CNOT7: variants seen among roughly 807,000 people sequenced by gnomAD.
The protein encoded by CNOT7 is CCR4-NOT transcription complex subunit 7.
Under a neutral mutation model 37.1 loss-of-function variants are expected in CNOT7, and 4 were observed. The ratio of observed to expected loss-of-function variants is 0.11; its 90% CI spans 0.05 to 0.25. The LOEUF (loss-of-function observed/expected upper bound fraction) is 0.25. Ranked by LOEUF, CNOT7 falls within the 10% of genes least tolerant of loss-of-function variation. CNOT7 has a pLI of 1.00. For missense variants in CNOT7, 170 were observed against 336.2 expected (o/e 0.51, Z 3.87); for synonymous variants, 128 against 115.6 (o/e 1.11, Z -0.69).
rs537563485 is a variant in CNOT7 at position 17,229,181 on chromosome 8, T to C, written c.*1539A>G. On this transcript the variant is annotated 3_prime_UTR_variant, in exon 7 of 7. Coordinates refer to ENST00000361272, the MANE Select transcript of CNOT7 (RefSeq NM_013354.7). The stretch of plus-strand genomic sequence containing the variant: ...GAGTTGCCCAAATAAAAATGAACAA[T>C]ATCCCCCAAATAAGTATTTCCAAAA... The C allele has an allele frequency of 6.6e-6, 1 of 152,016 alleles. No individual in the cohort carries two copies. Among genetic ancestry groups the C allele is most frequent in the South Asian group, 2.1e-4 (1 of 4,828 alleles). 9.4% of individuals were successfully genotyped at this position (152,016 alleles called of 1,614,324 possible).
chr8:17,232,653 A>G (rs1166432308), intron 5 of CNOT7, 116 bp from the exon 6 acceptor site: 6 of 821,388 alleles, frequency 7.3e-6, no homozygotes, highest in Non-Finnish European at 1.2e-5. Flanking sequence ...GTAAAGGTGA[A>G]TCTTATAAAG....
In CNOT7 at chr8:17,231,854, G is replaced by C. The variant is rs565721747; in HGVS notation, c.729+573C>G. The stretch of plus-strand genomic sequence containing the variant: ...GGGTTTTCCTAATATGGTTTCTGAT[G>C]CAACTACTACGTTGGATTTATTTGA... On this transcript the variant is annotated intron_variant, in intron 6 of 6. Coordinates refer to ENST00000361272, the MANE Select transcript of CNOT7 (RefSeq NM_013354.7). 3.0e-6 allele frequency: 3 copies of C among 985,716 alleles called. No homozygotes were observed. In the African/African-American group the frequency reaches 5.2e-5, roughly 17 times the overall value. The allele number at this position is 985,716 out of a possible 1,614,324, so 61.1% of individuals were successfully genotyped here.
At chr8:17,243,843 C>T (rs1810519465) in intron 2 of CNOT7, among the ~76,000 whole-genome samples, 2 of 152,282 alleles carry the variant, frequency 1.3e-5, no homozygotes, top group South Asian at 4.1e-4. Flanking sequence ...TGGGTAAGTA[C>T]ACCTTTATCA....
intron 3 of CNOT7, 42 bp downstream of exon 3, chr8:17,242,950 A>G (rs772395027): frequency 1.1e-5 from 15 of 1,414,204 alleles, no homozygotes; most frequent in Non-Finnish European, 1.4e-5. Context: ...GATTAAAGAA[A>G]AAAAAAAAAA....
rs1464747180 is a variant in CNOT7 at position 17,228,687 on chromosome 8, T to C, written c.*2033A>G. The C allele has an allele frequency of 6.6e-6, 1 of 151,888 alleles. No homozygotes were observed. The highest frequency in any genetic ancestry group is 2.1e-4 in the South Asian group (1 of 4,836). 9.4% of individuals were successfully genotyped at this position (151,888 alleles called of 1,614,324 possible). On this transcript the variant is annotated 3_prime_UTR_variant, in exon 7 of 7. Coordinates refer to ENST00000361272, the MANE Select transcript of CNOT7 (RefSeq NM_013354.7). ...TCGAAAGTAAGTTAGGGATTATCTA[T>C]ACTTTTTAGGGACAGAAGCCAGAAA...
At chr8:17,246,384 C>T (rs968199213) in intron 1 of CNOT7, 2 of 152,662 alleles carry the variant, frequency 1.3e-5, no homozygotes, top group African/African-American at 4.8e-5. Flanking sequence ...AGCACTGCCG[C>T]GTGAAACAAT....
In CNOT7 at chr8:17,228,941, G is replaced by GTT. The variant is rs1479109138; in HGVS notation, c.*1777_*1778dup. 6.6e-6 allele frequency: 1 copy of GTT among 151,940 alleles called. No homozygotes were observed. Among genetic ancestry groups the GTT allele is most frequent in the Non-Finnish European group, 1.5e-5 (1 of 67,852 alleles). The allele number at this position is 151,940 out of a possible 1,614,324, so 9.4% of individuals were successfully genotyped here. A position where few individuals can be genotyped will look rare whatever the true frequency, so the allele number is the denominator to read the frequency against. On this transcript the variant is annotated 3_prime_UTR_variant, in exon 7 of 7. Coordinates refer to ENST00000361272, the MANE Select transcript of CNOT7 (RefSeq NM_013354.7). ...GTGTTAGATTTTTTAAAAAGCCACA[G>GTT]TTATACCAAATGTATTTACTTTGTG...
At chr8:17,245,879 G>C (rs916666433) in intron 1 of CNOT7, 1 of 151,890 alleles carries the variant, frequency 6.6e-6, no homozygotes, top group Non-Finnish European at 1.5e-5. Flanking sequence ...TCACATTTCT[G>C]GTCTATAAAC....
intron 6 of CNOT7, 88 bp downstream of exon 6, chr8:17,232,339 T>TA: frequency 1.2e-6 from 2 of 1,606,642 alleles, no homozygotes; most frequent in Non-Finnish European, 1.7e-6. Context: ...ACTTAGTAGG[T>TA]ACTTGTTGCC....
intron 4 of CNOT7, 119 bp from the exon 5 acceptor site, chr8:17,234,979 A>C: frequency 1.3e-6 from 1 of 756,918 alleles, no homozygotes; most frequent in Non-Finnish European, 2.1e-6. Flanking sequence ...AAAAACATTA[A>C]AGAGAAGTGC....
In CNOT7 at chr8:17,230,710, CTA is replaced by C. The variant is rs1482921833; in HGVS notation, c.*8_*9del. 1.3e-6 allele frequency: 2 copies of C among 1,590,584 alleles called. No homozygotes were observed. The highest frequency in any genetic ancestry group is 4.5e-5 in the East Asian group (2 of 44,590). On this transcript the variant is annotated 3_prime_UTR_variant, in exon 7 of 7. Transcript: ENST00000361272. ...GTAGCTCGAAATAAAAATAAAAGGA[CTA>C]TTTCATGTCATGACTGCTTGTTGGC...
intron 4 of CNOT7, among the ~76,000 whole-genome samples, chr8:17,236,239 C>T (rs1343614585): frequency 3.9e-5 from 6 of 152,152 alleles, no homozygotes; most frequent in Non-Finnish European, 8.8e-5. Context: ...GAGACAGAAA[C>T]TAAACATGCA....
chr8:17,242,198 G>A (rs1243304716), intron 3 of CNOT7: 1 of 152,128 alleles, frequency 6.6e-6, no homozygotes, highest in African/African-American at 2.4e-5. Context: ...GCCCGGGTCA[G>A]GAATCAATTT....
In CNOT7 at chr8:17,231,724, T is replaced by C. The variant is rs547086211; in HGVS notation, c.729+703A>G. On this transcript the variant is annotated intron_variant, in intron 6 of 6. Coordinates refer to ENST00000361272, the MANE Select transcript of CNOT7 (RefSeq NM_013354.7). Reference sequence around the variant, plus strand: ...CTATAGCTAGGTGTATCTGTGCACATCACTTAATTACTTAGGAGTAGATAA... The same window carrying C: ...CTATAGCTAGGTGTATCTGTGCACACCACTTAATTACTTAGGAGTAGATAA... 3.5e-4 allele frequency: 347 copies of C among 985,306 alleles called. 1 individual carries two copies. The highest frequency in any genetic ancestry group is 4.1e-4 in the Non-Finnish European group (342 of 829,922). The allele number at this position is 985,306 out of a possible 1,614,324, so 61.0% of individuals were successfully genotyped here.
rs1808493780 is a variant in CNOT7, at chr8:17,230,631, T to C, written c.*89A>G. The C allele has an allele frequency of 1.8e-6, 2 of 1,124,538 alleles. No homozygotes were observed. Among genetic ancestry groups the C allele is most frequent in the Non-Finnish European group, 2.4e-6 (2 of 819,040 alleles). The allele number at this position is 1,124,538 out of a possible 1,614,324, so 69.7% of individuals were successfully genotyped here. The stretch of plus-strand genomic sequence containing the variant: ...GCCATGAAAGGGGGGGGAAAGGTAC[T>C]GTCTATTGTTCGAGGGATTCAACCA... On this transcript the variant is annotated 3_prime_UTR_variant, in exon 7 of 7. Transcript: ENST00000361272.
rs2150965342 is a variant in CNOT7, at chr8:17,230,032, C to T, written c.*688G>A. On this transcript the variant is annotated 3_prime_UTR_variant, in exon 7 of 7. Coordinates refer to ENST00000361272, the MANE Select transcript of CNOT7 (RefSeq NM_013354.7). The stretch of plus-strand genomic sequence containing the variant: ...AATTCTTCAGTCACAGAGCAGCCTA[C>T]ACATGCCAATTAGAAACTGACAGAC... The T allele has an allele frequency of 6.6e-6, 1 of 152,436 alleles. No individual in the cohort carries two copies. The highest frequency in any genetic ancestry group is 1.5e-5 in the Non-Finnish European group (1 of 67,850). The allele number at this position is 152,436 out of a possible 1,614,324, so 9.4% of individuals were successfully genotyped here.
rs761805210 is a variant in CNOT7, at chr8:17,227,567, T to C, written c.*3153A>G. On this transcript the variant is annotated 3_prime_UTR_variant, in exon 7 of 7. Coordinates refer to ENST00000361272, the MANE Select transcript of CNOT7 (RefSeq NM_013354.7). ...TGGTTTTCTTTGCTTGGCTAACAAA[T>C]AGGCTACTTGTAAACATTTTGGTTG... is the stretch of plus-strand genomic sequence containing the variant. The C allele has an allele frequency of 2.0e-5, 3 of 151,948 alleles. No homozygotes were observed. The highest frequency in any genetic ancestry group is 2.9e-5 in the Non-Finnish European group (2 of 67,832). 9.4% of individuals were successfully genotyped at this position (151,948 alleles called of 1,614,324 possible).
chr8:17,237,429 G>A (rs1365806293), intron 3 of CNOT7, 56 bp from the exon 4 acceptor site: 1 of 1,536,354 alleles, frequency 6.5e-7, no homozygotes, highest in Non-Finnish European at 9.0e-7. Context: ...CAAACAAGCT[G>A]TTCTTCTGCT....
chr8:17,239,694 C>T (rs571977672), intron 3 of CNOT7, among the ~76,000 whole-genome samples: 19 of 152,152 alleles, frequency 1.2e-4, no homozygotes, highest in Non-Finnish European at 2.2e-4. Context: ...AGGGTTTCAC[C>T]GTGTTAGCCA....
Sources: gnomAD v4.1 joint callset for allele counts (sites outside exome capture counted in the v4.1 genomes callset) on GRCh38, gnomAD v4.1.1 for gene constraint, MANE v1.5 for transcripts, NCBI Gene and HGNC (gene_info 2026-07-23, HGNC 2026-07-21) for gene names.